VEPH1: variants seen among roughly 807,000 people sequenced by gnomAD.
VEPH1 encodes ventricular zone-expressed PH domain-containing protein homolog 1.
Under a neutral mutation model 85.2 loss-of-function variants are expected in VEPH1, and 80 were observed. The ratio of observed to expected loss-of-function variants is 0.94; its 90% CI spans 0.78 to 1.13. The LOEUF (loss-of-function observed/expected upper bound fraction) is 1.13. VEPH1 is among the 50% of genes most tolerant of loss of function. The pLI is 0.00. For missense variants in VEPH1, 955 were observed against 980.5 expected (o/e 0.97, Z 0.35); for synonymous variants, 297 against 348.0 (o/e 0.85, Z 1.63).
chr3:157,417,183 T>C (rs1293779439), intron 5 of VEPH1, among the ~76,000 whole-genome samples: 2 of 152,222 alleles, frequency 1.3e-5, no homozygotes, highest in Non-Finnish European at 2.9e-5. Flanking sequence ...CTTTGGGCTT[T>C]AGATAGATTA....
At chr3:157,291,267 A>G (rs1032613029) in intron 11 of VEPH1, among the ~76,000 whole-genome samples, 1 of 152,230 alleles carries the variant, frequency 6.6e-6, no homozygotes, top group Admixed American at 6.5e-5. Flanking sequence ...AGTTATTTTC[A>G]GTGCACATAC....
At chr3:157,348,710 G>T (rs939535806) in intron 9 of VEPH1, among the ~76,000 whole-genome samples, 2 of 152,184 alleles carry the variant, frequency 1.3e-5, no homozygotes, top group Admixed American at 1.3e-4. Context: ...GCCCTCCTGG[G>T]CTTCCAATCA....
At chr3:157,317,252 A>G in intron 9 of VEPH1, 51 bp from the exon 10 acceptor site, 1 of 1,496,092 alleles carries the variant, frequency 6.7e-7, no homozygotes, top group Admixed American at 2.2e-5. Context: ...CCAGAGTTAC[A>G]CTTTATATTG....
upstream of VEPH1, chr3:157,503,492 G>A (rs952136284): frequency 6.6e-6 from 1 of 152,192 alleles, no homozygotes; most frequent in African/African-American, 2.4e-5. Context: ...AGGCAAATGA[G>A]TAACTTTTCT....
At chr3:157,436,195 T>C (rs1188313081) in intron 4 of VEPH1, among the ~76,000 whole-genome samples, 1 of 151,996 alleles carries the variant, frequency 6.6e-6, no homozygotes, top group Non-Finnish European at 1.5e-5. Context: ...GAGAATCGCT[T>C]GAACCCAGGA....
At chr3:157,411,809 T>TCC (rs1731554226) in intron 6 of VEPH1, among the ~76,000 whole-genome samples, 1 of 152,218 alleles carries the variant, frequency 6.6e-6, no homozygotes, top group Admixed American at 6.5e-5. Flanking sequence ...GATCCACCTC[T>TCC]CCTTCTCCTG....
chr3:157,488,827 ATTCC>A (rs1207889424), intron 2 of VEPH1, among the ~76,000 whole-genome samples: 2 of 150,002 alleles, frequency 1.3e-5, no homozygotes, highest in Admixed American at 1.3e-4. Flanking sequence ...CCCTTTCCAA[ATTCC>A]TTCCTTCCTT....
Position 157,304,038 on chromosome 3 carries a change from T to TACACACACACAC in VEPH1, c.2010+9582_2010+9583insGTGTGTGTGTGT, listed in dbSNP as rs58708932. On this transcript the variant is annotated intron_variant, in intron 11 of 13. Transcript: ENST00000362010. ...CTTATATTTTTTATATATATATATA[T>TACACACACACAC]ACACACATACTGTTACATCTTATAT... 9.3e-5 allele frequency among the ~76,000 whole-genome samples: 9 copies of TACACACACACAC among 96,918 alleles called. 1 individual carries two copies. The highest frequency in any genetic ancestry group is 1.7e-4 in the Non-Finnish European group (7 of 42,074). 63.6% of individuals were successfully genotyped at this position (96,918 alleles called of 152,430 possible).
At chr3:157,338,164 T>C (rs970054178) in intron 9 of VEPH1, among the ~76,000 whole-genome samples, 8 of 152,232 alleles carry the variant, frequency 5.3e-5, no homozygotes, top group African/African-American at 1.9e-4. Context: ...ATAATGTGAA[T>C]GCTGATTCAA....
At chr3:157,470,728 A>G (rs1165202764) in intron 2 of VEPH1, among the ~76,000 whole-genome samples, 199 bp from the exon 3 acceptor site, 1 of 152,172 alleles carries the variant, frequency 6.6e-6, no homozygotes, top group East Asian at 1.9e-4. Flanking sequence ...CAAACATGCT[A>G]AAATGGAGCA....
rs1729745840 is a variant in VEPH1, at chr3:157,390,388, T to C, written c.907-9012A>G. 1.3e-5 allele frequency among the ~76,000 whole-genome samples: 2 copies of C among 152,350 alleles called. 1 individual carries two copies. Among genetic ancestry groups the C allele is most frequent in the Middle Eastern group, 6.8e-3 (2 of 294 alleles). On this transcript the variant is annotated intron_variant, in intron 6 of 13. Coordinates refer to ENST00000362010, the MANE Select transcript of VEPH1 (RefSeq NM_001167912.2). Reference sequence around the variant, plus strand: ...GAGGAACTTTTCTACTAATCCTTTTTCAAATGGATCCTGATGTGCTTGGTA... The same window carrying C: ...GAGGAACTTTTCTACTAATCCTTTTCCAAATGGATCCTGATGTGCTTGGTA...
At chr3:157,408,868 T>G (rs931103081) in intron 6 of VEPH1, among the ~76,000 whole-genome samples, 5 of 152,102 alleles carry the variant, frequency 3.3e-5, no homozygotes, top group Admixed American at 2.6e-4. Context: ...TGTAGGGGAA[T>G]GAAGTAGACT....
chr3:157,279,303 T>C (rs1715782843), intron 12 of VEPH1, among the ~76,000 whole-genome samples: 2 of 152,134 alleles, frequency 1.3e-5, no homozygotes, highest in Admixed American at 6.6e-5. Flanking sequence ...TAAGGAGGAA[T>C]TGGTTTACGG....
At chr3:157,461,593 T>C (rs1361661757) in intron 3 of VEPH1, among the ~76,000 whole-genome samples, 2 of 152,170 alleles carry the variant, frequency 1.3e-5, no homozygotes, top group Non-Finnish European at 2.9e-5. Context: ...TAGAATGAAA[T>C]GTAGAACTCC....
At chr3:157,424,875 A>T (rs1732633841) in intron 5 of VEPH1, among the ~76,000 whole-genome samples, 1 of 152,244 alleles carries the variant, frequency 6.6e-6, no homozygotes, top group Non-Finnish European at 1.5e-5. Flanking sequence ...CCATTTTCTG[A>T]GGAGAAATTC....
intron 12 of VEPH1, among the ~76,000 whole-genome samples, chr3:157,268,888 C>T (rs1351969650): frequency 6.6e-6 from 1 of 152,134 alleles, no homozygotes; most frequent in Non-Finnish European, 1.5e-5. Context: ...GCTGGGACCA[C>T]AGGTGCACAC....
chr3:157,395,471 T>C (rs1730284891), intron 6 of VEPH1, among the ~76,000 whole-genome samples: 1 of 152,142 alleles, frequency 6.6e-6, no homozygotes, highest in African/African-American at 2.4e-5. Flanking sequence ...ATAACCTCCT[T>C]CTCTGACACC....
chr3:157,436,383 G>A (rs964394548), intron 4 of VEPH1, among the ~76,000 whole-genome samples: 8 of 152,132 alleles, frequency 5.3e-5, no homozygotes, highest in African/African-American at 1.9e-4. Context: ...TTCTTAATAT[G>A]TTGGTTTATC....
intron 4 of VEPH1, chr3:157,437,063 C>A: frequency 2.5e-6 from 4 of 1,613,656 alleles, no homozygotes; most frequent in South Asian, 1.1e-5. Context: ...CACTGAGGAC[C>A]GTAAGTTCAC....
Sources: gnomAD v4.1 joint callset for allele counts (sites outside exome capture counted in the v4.1 genomes callset) on GRCh38, gnomAD v4.1.1 for gene constraint, MANE v1.5 for transcripts, NCBI Gene and HGNC (gene_info 2026-07-23, HGNC 2026-07-21) for gene names.